Variants in MYO18B observed in about 807,000 individuals in gnomAD.
MYO18B encodes unconventional myosin-XVIIIb.
MYO18B carries 204 observed loss-of-function variants against 273.0 expected under a neutral mutation model. The observed-to-expected ratio is 0.75, with a 90% CI of 0.67 to 0.84. The LOEUF (loss-of-function observed/expected upper bound fraction) is 0.84. Among genes scored for constraint, MYO18B ranks in the 40% least tolerant of loss-of-function variants. The pLI, the probability that MYO18B is intolerant of heterozygous loss-of-function variation, is 0.00. For synonymous variants in MYO18B, 1,330 were observed against 1,305.7 expected (o/e 1.02, Z -0.40); for missense variants, 3,212 against 3,287.6 (o/e 0.98, Z 0.56).
intron 28 of MYO18B, chr22:25,896,689 A>G (rs538717365): frequency 2.0e-5 from 3 of 151,914 alleles, no homozygotes; most frequent in African/African-American, 4.8e-5. Context: ...GTGGCCTCCA[A>G]CTATCCCTCG....
At chr22:25,898,195 C>A in intron 28 of MYO18B, 112 bp from the exon 29 acceptor site, 2 of 1,220,260 alleles carry the variant, frequency 1.6e-6, no homozygotes, top group African/African-American at 3.0e-5. Context: ...CCCATTCCAG[C>A]ATCTGCTGTT....
At chr22:25,952,813 T>C (rs1187246008) in intron 38 of MYO18B, among the ~76,000 whole-genome samples, 1 of 152,242 alleles carries the variant, frequency 6.6e-6, no homozygotes, top group Non-Finnish European at 1.5e-5. Context: ...GTCCACCTAC[T>C]CAACCACTTA....
chr22:25,940,668 C>T (rs1209685768), intron 34 of MYO18B, among the ~76,000 whole-genome samples: 1 of 152,152 alleles, frequency 6.6e-6, no homozygotes, highest in Non-Finnish European at 1.5e-5. Flanking sequence ...AGAATGCAAC[C>T]TCTCCTTCCC....
chr22:25,786,464 A>G (rs2087393086), intron 11 of MYO18B, among the ~76,000 whole-genome samples: 1 of 149,056 alleles, frequency 6.7e-6, no homozygotes, highest in Admixed American at 6.9e-5. Context: ...GGAAACAAAT[A>G]GTGCTGGAAT....
chr22:25,790,649 G>A (rs2087621088), intron 11 of MYO18B, among the ~76,000 whole-genome samples: 1 of 152,218 alleles, frequency 6.6e-6, no homozygotes, highest in African/African-American at 2.4e-5. Flanking sequence ...GAACGAGCAT[G>A]CCCAACTCAC....
intron 30 of MYO18B, chr22:25,903,374 A>T (rs1437167534): frequency 1.3e-5 from 6 of 466,824 alleles, no homozygotes; most frequent in Non-Finnish European, 7.7e-6. Flanking sequence ...AGGTGCTCTG[A>T]GATCGAACTC....
At chr22:25,927,102 C>T (rs1439909061) in intron 34 of MYO18B, among the ~76,000 whole-genome samples, 1 of 152,128 alleles carries the variant, frequency 6.6e-6, no homozygotes, top group Non-Finnish European at 1.5e-5. Flanking sequence ...ATTGCATTAA[C>T]TGCACAAATT....
intron 32 of MYO18B, among the ~76,000 whole-genome samples, chr22:25,908,719 T>C (rs1350622442): frequency 6.6e-6 from 1 of 152,242 alleles, no homozygotes; most frequent in Non-Finnish European, 1.5e-5. Flanking sequence ...CAAGGACTTG[T>C]AAATTTCAAT....
chr22:25,939,353 A>C (rs2092617358), intron 34 of MYO18B, among the ~76,000 whole-genome samples: 2 of 152,208 alleles, frequency 1.3e-5, no homozygotes. Context: ...GCCACCTCTT[A>C]GGTCAGCTTT....
chr22:25,852,753 G>A (rs1201593472), intron 21 of MYO18B, among the ~76,000 whole-genome samples: 7 of 152,176 alleles, frequency 4.6e-5, no homozygotes, highest in Non-Finnish European at 8.8e-5. Flanking sequence ...TTCCAGGGGA[G>A]GATAGTTTAA....
intron 14 of MYO18B, among the ~76,000 whole-genome samples, chr22:25,827,366 A>G (rs1472718312): frequency 1.3e-5 from 2 of 152,150 alleles, no homozygotes; most frequent in African/African-American, 4.8e-5. Flanking sequence ...TGGGAGCAAC[A>G]TGGTAGAAAT....
At chr22:26,005,709 T>G (rs1276632711) in intron 42 of MYO18B, among the ~76,000 whole-genome samples, 1 of 152,178 alleles carries the variant, frequency 6.6e-6, no homozygotes, top group Non-Finnish European at 1.5e-5. Context: ...ATGATAAGAC[T>G]GGAAAAATCA....
chr22:25,985,049 T>G (rs1249538374), intron 39 of MYO18B, among the ~76,000 whole-genome samples: 8 of 152,236 alleles, frequency 5.3e-5, no homozygotes, highest in Non-Finnish European at 2.9e-5. Context: ...AATCTGTCAC[T>G]TTCTAGCTGT....
intron 42 of MYO18B, among the ~76,000 whole-genome samples, chr22:26,019,341 A>G (rs928268886): frequency 2.0e-5 from 3 of 152,188 alleles, no homozygotes; most frequent in African/African-American, 7.2e-5. Flanking sequence ...GTTTAAATCC[A>G]TGTTCTCCCA....
At chr22:25,947,280 T>C (rs573501716) in intron 35 of MYO18B, among the ~76,000 whole-genome samples, 1 of 152,270 alleles carries the variant, frequency 6.6e-6, no homozygotes, top group East Asian at 1.9e-4. Flanking sequence ...TGAGCACCTG[T>C]TATAGGGCTG....
chr22:25,828,885 C>T lies in MYO18B; in HGVS notation c.2896C>T (p.Leu966=), dbSNP rs2145918450. 6.2e-7 allele frequency: 1 copy of T among 1,614,020 alleles called. No individual in the cohort carries two copies. The highest frequency in any genetic ancestry group is 1.1e-5 in the South Asian group (1 of 91,080). Residue 966 remains leucine (L), a synonymous_variant, in exon 15 of 44, where the codon CTG becomes TTG. Coordinates refer to ENST00000335473, the MANE Select transcript of MYO18B (RefSeq NM_032608.7). ...GKDRAATFEE[L]CHNYAHERLQ... ...GGACCGGGCGGCCACCTTTGAGGAG[C>T]TGTGCCACAACTACGCCCATGAGCG...
intron 36 of MYO18B, among the ~76,000 whole-genome samples, chr22:25,948,404 GTCTTTCCT>G (rs2092740894): frequency 7.0e-6 from 1 of 142,934 alleles, no homozygotes; most frequent in African/African-American, 2.6e-5. Context: ...TCTTTTTCCT[GTCTTTCCT>G]TCCTTCCTTC....
chr22:25,928,183 C>T (rs962097152), intron 34 of MYO18B, among the ~76,000 whole-genome samples: 2 of 151,970 alleles, frequency 1.3e-5, no homozygotes, highest in African/African-American at 2.4e-5. Flanking sequence ...GTTTAGTGAG[C>T]TTGGCTGAGG....
chr22:25,843,963 C>T, intron 18 of MYO18B, 69 bp downstream of exon 18: 1 of 1,458,510 alleles, frequency 6.9e-7, no homozygotes, highest in Non-Finnish European at 9.4e-7. Flanking sequence ...CCCACCTAAA[C>T]TAGGCAGTCA....
Sources: gnomAD v4.1 joint callset for allele counts (sites outside exome capture counted in the v4.1 genomes callset) on GRCh38, gnomAD v4.1.1 for gene constraint, MANE v1.5 for transcripts, NCBI Gene and HGNC (gene_info 2026-07-23, HGNC 2026-07-21) for gene names.